MCTP2: variants seen among roughly 807,000 people sequenced by gnomAD.
The protein encoded by MCTP2 is multiple C2 and transmembrane domain containing 2.
MCTP2 carries 132 observed loss-of-function variants against 111.6 expected under a neutral mutation model. That is an observed-to-expected ratio of 1.18 (90% CI 1.03 to 1.37). MCTP2 has a LOEUF of 1.37. MCTP2 is among the 40% of genes most tolerant of loss of function. The pLI is 0.00. For missense variants in MCTP2, 1,183 were observed against 1,067.9 expected (o/e 1.11, Z -1.50); for synonymous variants, 395 against 387.7 (o/e 1.02, Z -0.22).
At chr15:94,282,310 A>C (rs2074528264) in intron 1 of MCTP2, among the ~76,000 whole-genome samples, 1 of 152,126 alleles carries the variant, frequency 6.6e-6, no homozygotes, top group Non-Finnish European at 1.5e-5. Context: ...GAATTCTGAG[A>C]TTCTTTTCTC....
chr15:94,444,244 G>A (rs1413886547), intron 19 of MCTP2, among the ~76,000 whole-genome samples: 3 of 152,228 alleles, frequency 2.0e-5, no homozygotes, highest in Admixed American at 6.5e-5. Context: ...GGCAACGGAT[G>A]GGGGAATGGG....
At chr15:94,250,377 T>G (rs1342619450) in intron 1 of MCTP2, among the ~76,000 whole-genome samples, 1 of 152,206 alleles carries the variant, frequency 6.6e-6, no homozygotes, top group East Asian at 1.9e-4. Context: ...ATTCTATCCT[T>G]CACTTGTGCT....
chr15:94,371,714 A>G (rs1308054652), intron 12 of MCTP2, among the ~76,000 whole-genome samples: 1 of 152,074 alleles, frequency 6.6e-6, no homozygotes, highest in Non-Finnish European at 1.5e-5. Flanking sequence ...CCCGCGATGG[A>G]GTCCTGCTCT....
At chr15:94,361,774 G>C (rs747219409) in intron 10 of MCTP2, among the ~76,000 whole-genome samples, 8 of 152,176 alleles carry the variant, frequency 5.3e-5, no homozygotes, top group Non-Finnish European at 1.0e-4. Context: ...GACATGGTAG[G>C]AGGGGCATCC....
chr15:94,482,326 C>T lies in MCTP2; in HGVS notation c.*3292C>T, dbSNP rs1383564596. ...GTACTCCTGATAAATGAATAACACC[C>T]TGGACTTTCAAATAGTGGCACTGGG... is the stretch of plus-strand genomic sequence containing the variant. On this transcript the variant is annotated 3_prime_UTR_variant, in exon 23 of 23. Coordinates refer to ENST00000357742, the MANE Select transcript of MCTP2 (RefSeq NM_001385001.1). 1 of 152,150 alleles carries T rather than the reference C, an allele frequency of 6.6e-6. No individual in the cohort carries two copies. The highest frequency in any genetic ancestry group is 1.5e-5 in the Non-Finnish European group (1 of 68,038). The allele number at this position is 152,150 out of a possible 1,614,324, so 9.4% of individuals were successfully genotyped here.
intron 18 of MCTP2, among the ~76,000 whole-genome samples, chr15:94,441,494 T>A (rs1039875970): frequency 6.6e-6 from 1 of 152,222 alleles, no homozygotes; most frequent in Non-Finnish European, 1.5e-5. Flanking sequence ...ACTGTGTATA[T>A]ATGTTTATAG....
intron 2 of MCTP2, among the ~76,000 whole-genome samples, chr15:94,303,064 A>ATATATATATAGTTTATATATATATCGTT (rs2075703870): frequency 1.6e-5 from 2 of 125,914 alleles, no homozygotes; most frequent in South Asian, 5.1e-4. Context: ...CTAATGGAAT[A>ATATATATATAGTTTATATATATATCGTT]TATATATATA....
rs149895494 is a variant in MCTP2, at chr15:94,477,185, G to T, written c.2568+392G>T. 3.6e-3 allele frequency among the ~76,000 whole-genome samples: 553 copies of T among 152,208 alleles called. 2 individuals carry two copies. The highest frequency in any genetic ancestry group is 6.8e-3 in the Middle Eastern group (2 of 294). On this transcript the variant is annotated intron_variant, in intron 22 of 22. Transcript: ENST00000357742. ...GGCAAGCATTTTAGGGGAAGTAGGGGACAAAAGGATTATTCTTTTTATTCT... is the reference window on the plus strand; with the variant it reads ...GGCAAGCATTTTAGGGGAAGTAGGGTACAAAAGGATTATTCTTTTTATTCT...
chr15:94,294,822 G>T (rs961076769), intron 1 of MCTP2, among the ~76,000 whole-genome samples: 3 of 152,076 alleles, frequency 2.0e-5, no homozygotes, highest in Admixed American at 6.5e-5. Context: ...AGGGAGATTG[G>T]TTGGAAGGCA....
At chr15:94,438,208 ATTAG>A (rs2083583885) in intron 17 of MCTP2, among the ~76,000 whole-genome samples, 1 of 152,300 alleles carries the variant, frequency 6.6e-6, no homozygotes, top group East Asian at 1.9e-4. Flanking sequence ...TGGGAACTAT[ATTAG>A]TTAAAATAAA....
chr15:94,283,584 T>C (rs78747497), intron 1 of MCTP2, among the ~76,000 whole-genome samples: 2,794 of 152,246 alleles, frequency 0.018, 82 homozygotes, highest in African/African-American at 0.063. Context: ...CTAGGAGCTG[T>C]TTGGGGCCAG....
At position 94,398,962 on chromosome 15, in the gene MCTP2, T is replaced by G; in HGVS notation, c.1790T>G (p.Ile597Ser). ...TATTTTGTCTTTTGTTTGTGACAGA[T>G]TAGAGATGGACAACCGAATTGTTAT... The part of the protein sequence containing the change: ...LGKVAIPLLS[I>S]RDGQPNCYVL... The change falls in exon 15 of 23, where the codon ATT becomes AGT. Residue 597 changes from isoleucine to serine, a missense_variant and splice_region_variant. Transcript: ENST00000357742. 1 of 1,528,432 alleles carries G rather than the reference T, an allele frequency of 6.5e-7. No homozygotes were observed. The highest frequency in any genetic ancestry group is 9.1e-7 in the Non-Finnish European group (1 of 1,104,062). 94.7% of individuals were successfully genotyped at this position (1,528,432 alleles called of 1,614,324 possible). A position where few individuals can be genotyped will look rare whatever the true frequency, so the allele number is the denominator to read the frequency against.
rs931851866 is a variant in MCTP2 at position 94,404,869 on chromosome 15, A to G, written c.2085+2850A>G. On this transcript the variant is annotated intron_variant, in intron 17 of 22. Coordinates refer to ENST00000357742, the MANE Select transcript of MCTP2 (RefSeq NM_001385001.1). ...AGGCTCTCCTCTGCCTTTCTTCACT[A>G]TGCAACTGCCATATCTGTCAGGGGT... Among the ~76,000 whole-genome samples, 5 of 152,084 alleles carry G rather than the reference A, an allele frequency of 3.3e-5. No homozygotes were observed. The South Asian group carries it at 8.3e-4, about 25-fold the overall frequency.
intron 17 of MCTP2, among the ~76,000 whole-genome samples, chr15:94,413,844 G>A (rs2152487821): frequency 6.6e-6 from 1 of 152,226 alleles, no homozygotes; most frequent in Middle Eastern, 3.4e-3. Flanking sequence ...TCAAAGCAAA[G>A]TGAAAGCATT....
At chr15:94,323,384 C>G (rs1206175202) in intron 4 of MCTP2, among the ~76,000 whole-genome samples, 1 of 152,150 alleles carries the variant, frequency 6.6e-6, no homozygotes, top group Non-Finnish European at 1.5e-5. Flanking sequence ...ACTAAGAACT[C>G]CCTGTCTTAA....
intron 17 of MCTP2, among the ~76,000 whole-genome samples, chr15:94,410,298 CTTGGTA>C (rs1437959803): frequency 1.3e-5 from 2 of 151,982 alleles, no homozygotes; most frequent in East Asian, 3.9e-4. Flanking sequence ...AAATGCAAAG[CTTGGTA>C]TTGTGTGCTG....
chr15:94,332,984 C>T (rs1309871302), intron 4 of MCTP2, among the ~76,000 whole-genome samples: 1 of 152,172 alleles, frequency 6.6e-6, no homozygotes, highest in Middle Eastern at 3.2e-3. Context: ...TGCCTGTAAT[C>T]CCAGCACTTT....
intron 12 of MCTP2, among the ~76,000 whole-genome samples, chr15:94,383,556 G>A (rs143236763): frequency 1.4e-4 from 21 of 152,302 alleles, no homozygotes; most frequent in East Asian, 7.7e-4. Context: ...CCTCACAATC[G>A]TAGCAGAAGG....
At chr15:94,241,266 G>A (rs1212027726) in intron 1 of MCTP2, among the ~76,000 whole-genome samples, 2 of 152,238 alleles carry the variant, frequency 1.3e-5, no homozygotes, top group South Asian at 2.1e-4. Flanking sequence ...CTGATGTGCC[G>A]GGCACAGCCT....
Sources: gnomAD v4.1 joint callset for allele counts (sites outside exome capture counted in the v4.1 genomes callset) on GRCh38, gnomAD v4.1.1 for gene constraint, MANE v1.5 for transcripts, NCBI Gene and HGNC (gene_info 2026-07-23, HGNC 2026-07-21) for gene names.